Variants in PCMT1 observed in about 807,000 individuals in gnomAD.
PCMT1 encodes the protein protein-L-isoaspartate (D-aspartate) O-methyltransferase.
In PCMT1, 9 loss-of-function variants were observed where a neutral mutation model predicts 29.2. That is an observed-to-expected ratio of 0.31 (90% CI 0.19 to 0.54). PCMT1 has a LOEUF of 0.54. PCMT1 is among the 20% of genes least tolerant of loss of function. PCMT1 has a pLI of 0.95. For synonymous variants in PCMT1, 98 were observed against 97.5 expected (o/e 1.00, Z -0.03); for missense variants, 184 against 282.2 (o/e 0.65, Z 2.49).
intron 4 of PCMT1, among the ~76,000 whole-genome samples, chr6:149,792,464 T>C (rs866475573): frequency 6.6e-6 from 1 of 152,216 alleles, no homozygotes; most frequent in South Asian, 2.1e-4. Context: ...TTATACTTAA[T>C]ATTTTAATTT....
intron 7 of PCMT1, among the ~76,000 whole-genome samples, chr6:149,808,795 C>T (rs1776080155): frequency 6.6e-6 from 1 of 151,896 alleles, no homozygotes; most frequent in South Asian, 2.1e-4. Context: ...TGCCACCACA[C>T]CCGGCTAATT....
intron 3 of PCMT1, among the ~76,000 whole-genome samples, chr6:149,775,037 G>T (rs867970987): frequency 4.6e-5 from 7 of 152,086 alleles, no homozygotes; most frequent in Admixed American, 1.3e-4. Context: ...TAGAGACAGG[G>T]TTTCACCTTG....
intron 3 of PCMT1, among the ~76,000 whole-genome samples, chr6:149,785,822 C>T (rs1339207673): frequency 2.6e-5 from 4 of 152,210 alleles, no homozygotes; most frequent in African/African-American, 4.8e-5. Context: ...TACACAGACA[C>T]GGCAACCATC....
rs568261167 is a variant in PCMT1, at chr6:149,775,985, C to T, written c.192+2816C>T. ...GACCAGCCTCACCAACATGGAGAAA[C>T]CCTGTCTCTACTAAAAATACAAAAT... On this transcript the variant is annotated intron_variant, in intron 3 of 7. Coordinates refer to ENST00000464889, the MANE Select transcript of PCMT1 (RefSeq NM_001360452.2). Among the ~76,000 whole-genome samples, 3 of 152,012 alleles carry T rather than the reference C, an allele frequency of 2.0e-5. No individual in the cohort carries two copies. The South Asian group carries it at 6.2e-4, about 32-fold the overall frequency.
At chr6:149,794,904 TTTC>T in intron 5 of PCMT1, 1 of 469,844 alleles carries the variant, frequency 2.1e-6, no homozygotes. Flanking sequence ...ATTAGAAACG[TTTC>T]TTCTCTGGCT....
chr6:149,798,323 T>TTAG (rs1353895171), intron 6 of PCMT1, among the ~76,000 whole-genome samples: 2 of 152,182 alleles, frequency 1.3e-5, no homozygotes, highest in Non-Finnish European at 2.9e-5. Context: ...AAAATATTGA[T>TTAG]AACCTAGAGT....
intron 1 of PCMT1, among the ~76,000 whole-genome samples, chr6:149,764,827 A>T (rs1459223205): frequency 6.8e-6 from 1 of 147,994 alleles, no homozygotes; most frequent in Non-Finnish European, 1.5e-5. Flanking sequence ...AGATCACGAG[A>T]TCAGAAGATC....
chr6:149,750,154 C>T (rs1786244284), intron 1 of PCMT1, 198 bp downstream of exon 1: 2 of 731,964 alleles, frequency 2.7e-6, no homozygotes, highest in Non-Finnish European at 4.3e-6. Flanking sequence ...ACGACGTGGA[C>T]TGGAAGGGGA....
chr6:149,795,877 T>C (rs1445617361), intron 5 of PCMT1: 1 of 185,080 alleles, frequency 5.4e-6, no homozygotes, highest in Non-Finnish European at 1.1e-5. Flanking sequence ...TAGGATGAGA[T>C]TTAAAACAGA....
rs1776137808 is a variant in PCMT1, at chr6:149,810,729, T to C, written c.*151T>C. On this transcript the variant is annotated 3_prime_UTR_variant, in exon 8 of 8. Transcript: ENST00000464889. ...CACCATCACAGCTTGTTTTGGACTT[T>C]GTTACACTGTTATTTTCAGCATGAA... The C allele has an allele frequency of 3.6e-6, 3 of 840,610 alleles. No individual in the cohort carries two copies. Among genetic ancestry groups the C allele is most frequent in the South Asian group, 3.3e-5 (2 of 60,822 alleles). The allele number at this position is 840,610 out of a possible 1,614,324, so 52.1% of individuals were successfully genotyped here.
chr6:149,793,715 T>G (rs750727621), intron 5 of PCMT1, 46 bp downstream of exon 5: 8 of 1,492,312 alleles, frequency 5.4e-6, no homozygotes, highest in African/African-American at 1.5e-5. Context: ...GATTTTTATT[T>G]TCAGAAGATC....
At chr6:149,808,899 G>C (rs1263873161) in intron 7 of PCMT1, among the ~76,000 whole-genome samples, 1 of 149,802 alleles carries the variant, frequency 6.7e-6, no homozygotes, top group East Asian at 2.0e-4. Flanking sequence ...GCCTCCCAAA[G>C]TGCTGGGATT....
In PCMT1 at chr6:149,795,351, T is replaced by C. The variant is rs137877071; in HGVS notation, c.419-1064T>C. On this transcript the variant is annotated intron_variant, in intron 5 of 7. Transcript: ENST00000464889. The stretch of plus-strand genomic sequence containing the variant: ...CTGGGAACAGCAGTAGAAACACTAG[T>C]CAGTCAAGTTTAGATAATAGCTGTT... 163 of 392,256 alleles carry C rather than the reference T, an allele frequency of 4.2e-4. 1 individual carries two copies. The highest frequency in any genetic ancestry group is 3.2e-3 in the African/African-American group (152 of 46,846). 24.3% of individuals were successfully genotyped at this position (392,256 alleles called of 1,614,324 possible).
chr6:149,807,050 A>G (rs1776037725), intron 7 of PCMT1, among the ~76,000 whole-genome samples: 1 of 152,198 alleles, frequency 6.6e-6, no homozygotes, highest in African/African-American at 2.4e-5. Context: ...TGTGGCAGAA[A>G]CTGTATTTTT....
intron 1 of PCMT1, among the ~76,000 whole-genome samples, chr6:149,767,859 T>C (rs1787158013): frequency 6.6e-6 from 1 of 152,070 alleles, no homozygotes; most frequent in Non-Finnish European, 1.5e-5. Flanking sequence ...AGTGGCGCGA[T>C]CTTGGCTCAC....
rs1302312176 is a variant in PCMT1 at position 149,804,703 on chromosome 6, T to C, written c.*37+2287T>C. Among the ~76,000 whole-genome samples, 4 of 152,070 alleles carry C rather than the reference T, an allele frequency of 2.6e-5. No individual in the cohort carries two copies. The East Asian group carries it at 7.7e-4, about 29-fold the overall frequency. ...TTTTAGTAGAGAAGGGGTTTCACCA[T>C]GTTGGCCAGGCTGGTCTCGAACTCC... On this transcript the variant is annotated intron_variant, in intron 7 of 7. Transcript: ENST00000464889.
intron 1 of PCMT1, among the ~76,000 whole-genome samples, chr6:149,758,226 T>TTTTTTTTC (rs1426060535): frequency 2.1e-5 from 3 of 142,356 alleles, no homozygotes; most frequent in African/African-American, 5.3e-5. Context: ...TTTTTTTTTT[T>TTTTTTTTC]CTGAGACAGA....
At position 149,808,455 on chromosome 6, in the gene PCMT1, T is replaced by C. The variant is rs924168788; in HGVS notation, c.*38-2161T>C. 1.3e-5 allele frequency among the ~76,000 whole-genome samples: 2 copies of C among 152,086 alleles called. 1 individual carries two copies. Among genetic ancestry groups the C allele is most frequent in the Admixed American group, 1.3e-4 (2 of 15,268 alleles). The stretch of plus-strand genomic sequence containing the variant: ...TGCACGCGCTGGCAGCAAGTTTTTG[T>C]TTTTCCCTAGCACCTCTAATTTTAA... On this transcript the variant is annotated intron_variant, in intron 7 of 7. Coordinates refer to ENST00000464889, the MANE Select transcript of PCMT1 (RefSeq NM_001360452.2).
intron 3 of PCMT1, among the ~76,000 whole-genome samples, chr6:149,774,749 C>T (rs1787487015): frequency 6.7e-6 from 1 of 148,326 alleles, no homozygotes; most frequent in Non-Finnish European, 1.5e-5. Context: ...ACCTGTGGCC[C>T]AGGCTGGAGT....
Sources: allele counts gnomAD v4.1 joint callset (sites outside exome capture counted in the v4.1 genomes callset), GRCh38; gene constraint gnomAD v4.1.1; transcripts MANE v1.5; gene names NCBI Gene and HGNC (gene_info 2026-07-23, HGNC 2026-07-21).